WDR70: variants seen among roughly 807,000 people sequenced by gnomAD.
WDR70 encodes WD repeat domain 70, also known as WD repeat-containing protein 70.
Under a neutral mutation model 88.6 loss-of-function variants are expected in WDR70, and 53 were observed. The observed-to-expected ratio is 0.60, with a 90% confidence interval of 0.48 to 0.75. The LOEUF is 0.75. WDR70 is among the 30% of genes least tolerant of loss of function. WDR70 has a pLI of 0.00. For missense variants in WDR70, 610 were observed against 823.2 expected (o/e 0.74, Z 3.17); for synonymous variants, 280 against 270.0 (o/e 1.04, Z -0.36).
rs189589971 is a variant in WDR70, at chr5:37,415,919, C to T, written c.492+19349C>T. Among the ~76,000 whole-genome samples the T allele has an allele frequency of 4.6e-3, 690 of 151,434 alleles. 5 individuals carry two copies. The highest frequency in any genetic ancestry group is 6.7e-3 in the South Asian group (32 of 4,812). On this transcript the variant is annotated intron_variant, in intron 5 of 17. Coordinates refer to ENST00000265107, the MANE Select transcript of WDR70 (RefSeq NM_018034.4). ...CCCCACATCTCAGACGATGGGCCGC[C>T]GGGCAGAGACGCTCCTCACTTCCTA... is the stretch of plus-strand genomic sequence containing the variant.
At chr5:37,451,938 G>C (rs1393217574) in intron 7 of WDR70, among the ~76,000 whole-genome samples, 3 of 152,126 alleles carry the variant, frequency 2.0e-5, no homozygotes, top group Non-Finnish European at 4.4e-5. Context: ...AGGTTGCAGT[G>C]AGCTCAGATG....
rs200134320 is a variant in WDR70, at chr5:37,415,333, G to T, written c.492+18763G>T. Among the ~76,000 whole-genome samples, 254 of 149,648 alleles carry T rather than the reference G, an allele frequency of 1.7e-3. 6 individuals are homozygous for T. The East Asian group carries it at 0.027, about 16-fold the overall frequency. On this transcript the variant is annotated intron_variant, in intron 5 of 17. Transcript: ENST00000265107. ...GACGGGGTGGTGGCCGGGCAGAGGG[G>T]CTCCTCACTTCCCAGTAGGGGCGGC...
chr5:37,672,830 A>G (rs977256063), intron 10 of WDR70, among the ~76,000 whole-genome samples: 29 of 152,084 alleles, frequency 1.9e-4, no homozygotes, highest in African/African-American at 6.8e-4. Flanking sequence ...TTCTTTTCTC[A>G]GTCTCTCGTC....
At chr5:37,398,184 G>T (rs893083242) in intron 5 of WDR70, among the ~76,000 whole-genome samples, 1 of 146,598 alleles carries the variant, frequency 6.8e-6, no homozygotes, top group Admixed American at 7.0e-5. Context: ...CGCCTCCCGG[G>T]TTCATGCCAT....
chr5:37,384,537 G>A (rs13359981), intron 3 of WDR70, among the ~76,000 whole-genome samples: 15,371 of 151,386 alleles, frequency 0.1, 2,540 homozygotes, highest in African/African-American at 0.35. Flanking sequence ...GCGGGCGCCT[G>A]TAGTCCCAGC....
intron 5 of WDR70, among the ~76,000 whole-genome samples, chr5:37,426,344 C>T (rs990353248): frequency 1.3e-5 from 2 of 152,178 alleles, no homozygotes; most frequent in African/African-American, 4.8e-5. Context: ...GATTACTTCA[C>T]AGTTTGTTTT....
At chr5:37,694,411 C>T (rs956830565) in intron 10 of WDR70, among the ~76,000 whole-genome samples, 8 of 152,230 alleles carry the variant, frequency 5.3e-5, no homozygotes, top group Middle Eastern at 3.4e-3. Context: ...ATGTTAATTG[C>T]GGCACTATTC....
At chr5:37,478,083 C>G (rs973953481) in intron 7 of WDR70, among the ~76,000 whole-genome samples, 1 of 152,180 alleles carries the variant, frequency 6.6e-6, no homozygotes, top group African/African-American at 2.4e-5. Context: ...CTTATCTGAT[C>G]AAGACCAATA....
At chr5:37,561,096 A>G (rs572541041) in intron 9 of WDR70, among the ~76,000 whole-genome samples, 5 of 152,324 alleles carry the variant, frequency 3.3e-5, no homozygotes, top group Admixed American at 1.3e-4. Context: ...TCTTAATTCC[A>G]TGAAAAGCAG....
At chr5:37,629,673 T>TA (rs1744759503) in intron 10 of WDR70, among the ~76,000 whole-genome samples, 2 of 152,298 alleles carry the variant, frequency 1.3e-5, no homozygotes, top group South Asian at 4.1e-4. Flanking sequence ...ACTTATATCA[T>TA]AAGTTGTTTT....
chr5:37,736,208 C>T (rs1464399532), intron 17 of WDR70, among the ~76,000 whole-genome samples: 2 of 152,162 alleles, frequency 1.3e-5, no homozygotes, highest in African/African-American at 4.8e-5. Flanking sequence ...CCCTGGCCAG[C>T]AGCCTGACAG....
At chr5:37,438,321 G>A (rs534126842) in intron 6 of WDR70, among the ~76,000 whole-genome samples, 1 of 152,036 alleles carries the variant, frequency 6.6e-6, no homozygotes, top group Non-Finnish European at 1.5e-5. Context: ...CTTTACTTCT[G>A]TATCAGTAAA....
At chr5:37,509,837 A>C (rs1312840932) in intron 8 of WDR70, among the ~76,000 whole-genome samples, 1 of 150,972 alleles carries the variant, frequency 6.6e-6, no homozygotes, top group Non-Finnish European at 1.5e-5. Context: ...GGGCAACCAG[A>C]ATATTTTTTA....
At position 37,392,126 on chromosome 5, in the gene WDR70, T is replaced by C; in HGVS notation, c.296+6T>C. 1 of 1,602,230 alleles carries C rather than the reference T, an allele frequency of 6.2e-7. No homozygotes were observed. Among genetic ancestry groups the C allele is most frequent in the South Asian group, 1.1e-5 (1 of 87,370 alleles). ...TGCTCCAAATCATCTTCCAGGTGCC[T>C]GATTTTCAGAAAGACTTCTATTAAA... is the stretch of plus-strand genomic sequence containing the variant. On this transcript the variant is annotated splice_donor_region_variant and intron_variant, in intron 4 of 17. Transcript: ENST00000265107.
At chr5:37,608,287 G>A (rs1387675049) in intron 10 of WDR70, among the ~76,000 whole-genome samples, 6 of 151,948 alleles carry the variant, frequency 3.9e-5, no homozygotes, top group Non-Finnish European at 8.8e-5. Flanking sequence ...TGATCCGCCC[G>A]CCTTGGCCTC....
chr5:37,675,616 A>G (rs1240142278), intron 10 of WDR70, among the ~76,000 whole-genome samples: 3 of 152,148 alleles, frequency 2.0e-5, no homozygotes, highest in East Asian at 1.9e-4. Context: ...TACCAGTACC[A>G]TGCTGTTTTG....
chr5:37,652,075 G>C (rs1170364326), intron 10 of WDR70, among the ~76,000 whole-genome samples: 1 of 152,158 alleles, frequency 6.6e-6, no homozygotes, highest in Non-Finnish European at 1.5e-5. Context: ...TATGGTTTTA[G>C]GTCTTACAAG....
At chr5:37,533,829 C>T (rs777323689) in intron 9 of WDR70, among the ~76,000 whole-genome samples, 3 of 152,102 alleles carry the variant, frequency 2.0e-5, no homozygotes, top group Non-Finnish European at 2.9e-5. Flanking sequence ...CCATGCAGTC[C>T]CCAGTCCTAA....
intron 9 of WDR70, among the ~76,000 whole-genome samples, chr5:37,564,145 A>G (rs1328299049): frequency 2.0e-5 from 3 of 150,828 alleles, no homozygotes; most frequent in East Asian, 2.0e-4. Context: ...AGAGGCTGCA[A>G]TCTCGGCACT....
Sources: gnomAD v4.1 joint callset for allele counts (sites outside exome capture counted in the v4.1 genomes callset) on GRCh38, gnomAD v4.1.1 for gene constraint, MANE v1.5 for transcripts, NCBI Gene and HGNC (gene_info 2026-07-23, HGNC 2026-07-21) for gene names.